FAM114A2: variants seen among roughly 807,000 people sequenced by gnomAD.
FAM114A2 encodes family with sequence similarity 114 member A2, also known as protein FAM114A2.
A neutral mutation model predicts 58.4 loss-of-function variants in FAM114A2; 53 were observed. That is an observed-to-expected ratio of 0.91 (90% confidence interval 0.73 to 1.14). FAM114A2 has a LOEUF of 1.14. Among genes scored for constraint, FAM114A2 ranks in the 50% most tolerant of loss-of-function variants. The probability of loss-of-function intolerance (pLI) is 0.00; values close to 1 mark genes in which losing one functional copy is unlikely to be tolerated. For synonymous variants in FAM114A2, 228 were observed against 211.4 expected, an observed-to-expected ratio of 1.08 and a Z score of -0.68; for missense variants, 601 against 581.1, an observed-to-expected ratio of 1.03 and a Z score of -0.35.
intron 8 of FAM114A2, among the ~76,000 whole-genome samples, chr5:154,017,025 A>C (rs1161189419): frequency 6.6e-6 from 1 of 152,248 alleles, no homozygotes; most frequent in Non-Finnish European, 1.5e-5. Flanking sequence ...CAATTAAAAA[A>C]GACAAAGAGG....
At chr5:154,029,401 A>G (rs1466527919) in intron 5 of FAM114A2, 88 bp downstream of exon 5, 3 of 797,374 alleles carry the variant, frequency 3.8e-6, no homozygotes, top group Middle Eastern at 2.3e-4. Flanking sequence ...ATCAGTCCAC[A>G]TGGCTGTTCA....
At chr5:154,022,222 T>C (rs1446029452) in intron 8 of FAM114A2, among the ~76,000 whole-genome samples, 2 of 152,168 alleles carry the variant, frequency 1.3e-5, no homozygotes, top group Non-Finnish European at 2.9e-5. Flanking sequence ...GACATAGGCA[T>C]GGGCAAGGAC....
intron 8 of FAM114A2, among the ~76,000 whole-genome samples, chr5:154,015,194 T>C (rs779488330): frequency 5.3e-5 from 8 of 152,054 alleles, no homozygotes; most frequent in African/African-American, 9.7e-5. Context: ...CTTCCCACCC[T>C]GATAACTGAA....
chr5:154,004,644 T>C (rs1223891530), intron 9 of FAM114A2, among the ~76,000 whole-genome samples: 1 of 152,148 alleles, frequency 6.6e-6, no homozygotes, highest in East Asian at 1.9e-4. Flanking sequence ...AGCCAAAATA[T>C]AGGGGCCATC....
At chr5:154,034,494 C>T in intron 2 of FAM114A2, 117 bp from the exon 3 acceptor site, 2 of 661,846 alleles carry the variant, frequency 3.0e-6, no homozygotes, top group East Asian at 2.7e-5. Flanking sequence ...TGAACAAATA[C>T]ATATTATTTA....
chr5:154,001,159 T>C (rs1171407197), intron 11 of FAM114A2, among the ~76,000 whole-genome samples: 2 of 152,218 alleles, frequency 1.3e-5, no homozygotes, highest in Non-Finnish European at 2.9e-5. Flanking sequence ...GGGGAGACTA[T>C]ATACATATAC....
At chr5:154,018,776 AT>A (rs755312811) in intron 8 of FAM114A2, among the ~76,000 whole-genome samples, 2 of 152,224 alleles carry the variant, frequency 1.3e-5, no homozygotes, top group African/African-American at 2.4e-5. Flanking sequence ...TAAATGTGAT[AT>A]ACCACATAAG....
At chr5:154,006,057 A>G (rs182071772) in intron 9 of FAM114A2, among the ~76,000 whole-genome samples, 65 of 152,316 alleles carry the variant, frequency 4.3e-4, no homozygotes, top group Non-Finnish European at 1.6e-4. Flanking sequence ...ATACCTTCCC[A>G]TTACTTAAGC....
rs763404178 is a variant in FAM114A2, at chr5:154,027,301, G to A, written c.664C>T (p.Arg222Trp). The change falls in exon 7 of 14, where the codon CGG becomes TGG. Residue 222 changes from arginine (R) to tryptophan (W), a missense_variant. Physicochemically the swap from Arg to Trp is moderately radical, Grantham distance 101 (BLOSUM62 -3). Transcript: ENST00000351797. ...TCCACGGTAACCTCATTGGAGGTCCGTATCTCTTCTTTCTCCTTCGCCTCT... is the reference window on the plus strand; with the variant it reads ...TCCACGGTAACCTCATTGGAGGTCCATATCTCTTCTTTCTCCTTCGCCTCT... Reference protein sequence around the residue: ...LREAKEKEEIRTSNEVTVETD... With the variant: ...LREAKEKEEIWTSNEVTVETD... 2.4e-5 allele frequency: 39 copies of A among 1,612,746 alleles called. No individual in the cohort carries two copies. Among genetic ancestry groups the A allele is most frequent in the Admixed American group, 5.0e-5 (3 of 59,760 alleles).
intron 12 of FAM114A2, among the ~76,000 whole-genome samples, chr5:153,996,716 G>A (rs1236925205): frequency 1.3e-5 from 2 of 151,132 alleles, no homozygotes; most frequent in Non-Finnish European, 1.5e-5. Flanking sequence ...CAACATTGGC[G>A]CTGGGCACGG....
intron 4 of FAM114A2, among the ~76,000 whole-genome samples, chr5:154,033,323 T>C (rs924097891): frequency 6.6e-6 from 1 of 152,138 alleles, no homozygotes; most frequent in Admixed American, 6.5e-5. Flanking sequence ...AGTTTGAGAG[T>C]AGGTTTCTGT....
At chr5:154,026,545 T>C (rs1481450473) in intron 7 of FAM114A2, 23 bp from the exon 8 acceptor site, 7 of 1,440,602 alleles carry the variant, frequency 4.9e-6, no homozygotes, top group Non-Finnish European at 6.4e-6. Flanking sequence ...AAGAACAAAA[T>C]GTTGTAGGAG....
intron 8 of FAM114A2, among the ~76,000 whole-genome samples, chr5:154,021,751 C>T (rs933977116): frequency 1.4e-4 from 22 of 152,096 alleles, no homozygotes; most frequent in African/African-American, 2.7e-4. Flanking sequence ...CAATGCCATC[C>T]CCATCAAGCT....
intron 9 of FAM114A2, among the ~76,000 whole-genome samples, chr5:154,008,629 T>C (rs919098901): frequency 1.3e-5 from 2 of 152,020 alleles, no homozygotes; most frequent in Admixed American, 6.6e-5. Context: ...ATGAATTCTG[T>C]AATTAGACTT....
intron 8 of FAM114A2, among the ~76,000 whole-genome samples, chr5:154,024,361 C>G (rs924068953): frequency 6.6e-6 from 1 of 151,954 alleles, no homozygotes; most frequent in African/African-American, 2.4e-5. Context: ...AAACAGTAAA[C>G]CCATACCACT....
chr5:154,025,728 T>C (rs1771730511), intron 8 of FAM114A2, among the ~76,000 whole-genome samples: 1 of 152,118 alleles, frequency 6.6e-6, no homozygotes, highest in Admixed American at 6.6e-5. Context: ...AGTTAGTGTA[T>C]ATCTTAGAAA....
chr5:154,016,873 C>T (rs1561559013), intron 8 of FAM114A2, among the ~76,000 whole-genome samples: 1 of 152,154 alleles, frequency 6.6e-6, no homozygotes, highest in Non-Finnish European at 1.5e-5. Flanking sequence ...CATCTGCTGC[C>T]TTCAAGAGAT....
rs374360267 is a variant in FAM114A2, at chr5:154,003,764, G to A, written c.994-795C>T. On this transcript the variant is annotated intron_variant, in intron 9 of 13. Coordinates refer to ENST00000351797, the MANE Select transcript of FAM114A2 (RefSeq NM_018691.4). ...TAGAAATATAAGTTCATTCTAATTT[G>A]TGTCTGGCTTAAGCACAACATAATG... 6.4e-4 allele frequency among the ~76,000 whole-genome samples: 98 copies of A among 152,222 alleles called. No homozygotes were observed. The Middle Eastern group carries it at 0.01, about 16-fold the overall frequency.
Position 154,018,162 on chromosome 5 carries a change from C to T in FAM114A2, c.914-6842G>A, listed in dbSNP as rs550873987. On this transcript the variant is annotated intron_variant, in intron 8 of 13. Transcript: ENST00000351797. ...GAAAAGATAAATAGAATTGATAGAC[C>T]ATTCGCAAGATTAACCAAGAAGAGA... Among the ~76,000 whole-genome samples the T allele has an allele frequency of 3.3e-5, 5 of 152,130 alleles. No individual in the cohort carries two copies. The East Asian group carries it at 9.7e-4, about 29-fold the overall frequency.
Sources: allele counts gnomAD v4.1 joint callset (sites outside exome capture counted in the v4.1 genomes callset), GRCh38; gene constraint gnomAD v4.1.1; transcripts MANE v1.5; gene names NCBI Gene and HGNC (gene_info 2026-07-23, HGNC 2026-07-21).